Variants in GPC5 observed in about 807,000 individuals in gnomAD.
The protein encoded by GPC5 is glypican-5.
GPC5 carries 47 observed loss-of-function variants against 53.9 expected under a neutral mutation model. The observed-to-expected ratio is 0.87, with a 90% CI of 0.69 to 1.11. GPC5 has a LOEUF of 1.11. GPC5 is among the 50% of genes most tolerant of loss of function. The pLI, the probability that GPC5 is intolerant of heterozygous loss-of-function variation, is 0.00. For missense variants in GPC5, 748 were observed against 713.1 expected (o/e 1.05, Z -0.56); for synonymous variants, 286 against 263.3 (o/e 1.09, Z -0.84).
intron 7 of GPC5, among the ~76,000 whole-genome samples, chr13:92,249,653 T>G (rs1419043524): frequency 6.6e-6 from 1 of 152,066 alleles, no homozygotes; most frequent in African/African-American, 2.4e-5. Context: ...GGGGGGTTGA[T>G]GGCATGCTCA....
At chr13:92,465,980 C>T (rs183612593) in intron 7 of GPC5, among the ~76,000 whole-genome samples, 1 of 151,756 alleles carries the variant, frequency 6.6e-6, no homozygotes, top group African/African-American at 2.4e-5. Flanking sequence ...TGATGAAAGG[C>T]GATATGATTA....
chr13:91,554,179 C>A (rs1172676803), intron 2 of GPC5, among the ~76,000 whole-genome samples: 1 of 151,874 alleles, frequency 6.6e-6, no homozygotes, highest in Non-Finnish European at 1.5e-5. Context: ...AGCATTTAAA[C>A]TTTTTCTACA....
chr13:92,828,705 A>G (rs9556225), intron 7 of GPC5, among the ~76,000 whole-genome samples: 52,541 of 151,972 alleles, frequency 0.35, 11,650 homozygotes, highest in East Asian at 0.72. Flanking sequence ...GAGGAGGATC[A>G]CAGGGTTCTG....
At chr13:92,220,343 C>G (rs948627135) in intron 7 of GPC5, among the ~76,000 whole-genome samples, 4 of 152,100 alleles carry the variant, frequency 2.6e-5, no homozygotes, top group Non-Finnish European at 2.9e-5. Flanking sequence ...AATCTGAAAC[C>G]ATGTTTGAGT....
At chr13:91,428,981 A>G (rs1027451086) in intron 1 of GPC5, among the ~76,000 whole-genome samples, 5 of 152,112 alleles carry the variant, frequency 3.3e-5, no homozygotes, top group African/African-American at 1.2e-4. Flanking sequence ...GTGCAGTGGC[A>G]TGATCTTGGC....
intron 7 of GPC5, among the ~76,000 whole-genome samples, chr13:92,423,485 A>G (rs188796912): frequency 6.6e-6 from 1 of 152,292 alleles, no homozygotes; most frequent in East Asian, 1.9e-4. Flanking sequence ...GTAGTGTATT[A>G]ATTTGTTAAT....
intron 5 of GPC5, among the ~76,000 whole-genome samples, chr13:91,885,889 A>G (rs931183779): frequency 6.6e-6 from 1 of 152,162 alleles, no homozygotes; most frequent in African/African-American, 2.4e-5. Flanking sequence ...TTTGAAAGTC[A>G]TATATTTTTA....
At chr13:91,975,529 A>T (rs1452970317) in intron 6 of GPC5, among the ~76,000 whole-genome samples, 3 of 152,268 alleles carry the variant, frequency 2.0e-5, no homozygotes, top group Non-Finnish European at 2.9e-5. Flanking sequence ...AATGCTCATC[A>T]TCACTGGCCA....
At chr13:91,599,468 CATT>C (rs1021348959) in intron 2 of GPC5, among the ~76,000 whole-genome samples, 3 of 152,020 alleles carry the variant, frequency 2.0e-5, no homozygotes, top group African/African-American at 7.2e-5. Flanking sequence ...TAAACATCAT[CATT>C]AAAAAAATTC....
chr13:91,997,725 G>A (rs1186633186), intron 6 of GPC5, among the ~76,000 whole-genome samples: 3 of 152,078 alleles, frequency 2.0e-5, no homozygotes, highest in Admixed American at 6.6e-5. Context: ...TCACCATGTT[G>A]GCTAGGTTGG....
At chr13:91,795,628 A>T (rs2038034450) in intron 5 of GPC5, among the ~76,000 whole-genome samples, 1 of 152,164 alleles carries the variant, frequency 6.6e-6, no homozygotes, top group Non-Finnish European at 1.5e-5. Flanking sequence ...GCTTTCAATA[A>T]GATGCTTACT....
At chr13:92,658,684 G>A (rs1566347434) in intron 7 of GPC5, among the ~76,000 whole-genome samples, 1 of 152,128 alleles carries the variant, frequency 6.6e-6, no homozygotes, top group Non-Finnish European at 1.5e-5. Flanking sequence ...AGAAGGAAGA[G>A]ATAGGCATTT....
chr13:92,857,518 A>G (rs1332268884), intron 7 of GPC5, among the ~76,000 whole-genome samples: 4 of 152,208 alleles, frequency 2.6e-5, no homozygotes, highest in Admixed American at 2.6e-4. Flanking sequence ...AACTATTAAC[A>G]AAGTAAACAG....
chr13:91,871,499 TAAAA>T (rs1223475771), intron 5 of GPC5, among the ~76,000 whole-genome samples: 5 of 150,864 alleles, frequency 3.3e-5, no homozygotes, highest in Non-Finnish European at 7.4e-5. Flanking sequence ...CCCCAAAATC[TAAAA>T]AAAAGGTTAA....
Position 91,586,575 on chromosome 13 carries a change from G to C in GPC5, c.326-106612G>C, listed in dbSNP as rs1253034271. On this transcript the variant is annotated intron_variant, in intron 2 of 7. Transcript: ENST00000377067. ...ATATATATATATGTAGAGAGAGAGA[G>C]AGAGAGAGAGAGAGAGGGAGAGGAA... Among the ~76,000 whole-genome samples, 3 of 118,402 alleles carry C rather than the reference G, an allele frequency of 2.5e-5. No homozygotes were observed. In the Admixed American group the frequency reaches 2.6e-4, roughly 10 times the overall value. The allele number at this position is 118,402 out of a possible 152,430, so 77.7% of individuals were successfully genotyped here. A position where few individuals can be genotyped will look rare whatever the true frequency, so the allele number is the denominator to read the frequency against.
rs1475827863 is a variant in GPC5 at position 92,585,344 on chromosome 13, A to C, written c.1562-280938A>C. ...GATGTGAGACATGGAGTCAAAGGAG[A>C]TCATTTCAGAGCTTGAAGATTTGAC... On this transcript the variant is annotated intron_variant, in intron 7 of 7. Coordinates refer to ENST00000377067, the MANE Select transcript of GPC5 (RefSeq NM_004466.6). 2.6e-5 allele frequency among the ~76,000 whole-genome samples: 4 copies of C among 152,204 alleles called. No individual in the cohort carries two copies. The South Asian group carries it at 6.2e-4, about 24-fold the overall frequency.
chr13:92,346,694 A>C (rs1409842849), intron 7 of GPC5, among the ~76,000 whole-genome samples: 3 of 152,228 alleles, frequency 2.0e-5, no homozygotes. Flanking sequence ...ATAAAGCTCC[A>C]ATAATGGGCC....
intron 5 of GPC5, among the ~76,000 whole-genome samples, chr13:91,798,936 G>C (rs2038090900): frequency 6.6e-6 from 1 of 152,126 alleles, no homozygotes; most frequent in African/African-American, 2.4e-5. Flanking sequence ...GTGTCTCACT[G>C]TGATTTTGTT....
intron 2 of GPC5, among the ~76,000 whole-genome samples, chr13:91,528,846 G>T (rs945329952): frequency 3.9e-5 from 6 of 152,170 alleles, no homozygotes; most frequent in African/African-American, 1.2e-4. Flanking sequence ...AGGAGAAAGA[G>T]AGCACAGGAG....
Sources: allele counts gnomAD v4.1 joint callset (sites outside exome capture counted in the v4.1 genomes callset), GRCh38; gene constraint gnomAD v4.1.1; transcripts MANE v1.5; gene names NCBI Gene and HGNC (gene_info 2026-07-23, HGNC 2026-07-21).